The following INTS12 variants were observed in gnomAD, a reference collection of about 807,000 sequenced individuals.
INTS12 encodes integrator complex subunit 12, also known as PHD finger protein 22.
A neutral mutation model predicts 41.6 loss-of-function variants in INTS12; 13 were observed. That is an observed-to-expected ratio of 0.31 (90% CI 0.20 to 0.50). The LOEUF is 0.50. Ranked by LOEUF, INTS12 falls within the 20% of genes least tolerant of loss-of-function variation. The probability of loss-of-function intolerance (pLI) is 0.98; values close to 1 mark genes in which losing one functional copy is unlikely to be tolerated. For synonymous variants in INTS12, 199 were observed against 191.4 expected (o/e 1.04, Z -0.33); for missense variants, 432 against 541.6 (o/e 0.80, Z 2.01).
At chr4:105,700,617 T>G (rs1403373002) in intron 2 of INTS12, among the ~76,000 whole-genome samples, 1 of 151,368 alleles carries the variant, frequency 6.6e-6, no homozygotes, top group South Asian at 2.1e-4. Flanking sequence ...AATGATAACC[T>G]TATTTGATCA....
chr4:105,685,992 A>G (rs934721863), intron 7 of INTS12, among the ~76,000 whole-genome samples: 74 of 152,316 alleles, frequency 4.9e-4, no homozygotes, highest in Non-Finnish European at 1.5e-4. Context: ...TTACAAGGCC[A>G]ATCTGCTCAA....
rs1408340748 is a variant in INTS12, at chr4:105,683,049, A to C, written c.1073T>G (p.Val358Gly). ...IGSNNSTTPTVPLKPPPPLTL... is the reference protein window; with the variant it reads ...IGSNNSTTPTGPLKPPPPLTL... ...TAGAGGTGGAGGTGGTTTTAAAGGT[A>C]CAGTGGGCGTAGTGCTGTTATTGGA... The change falls in exon 8 of 8, where the codon GTA becomes GGA. Residue 358 changes from valine (V) to glycine (G), a missense_variant. By Grantham distance (109) the Val-to-Gly change is moderately radical (BLOSUM62 -3). This residue lies in a region of INTS12 where 258 missense variants were observed against 309.9 expected (regional missense o/e 0.83). Coordinates refer to ENST00000340139, the MANE Select transcript of INTS12 (RefSeq NM_020395.4). The C allele has an allele frequency of 1.5e-5, 24 of 1,614,172 alleles. No individual in the cohort carries two copies. The highest frequency in any genetic ancestry group is 1.9e-5 in the Non-Finnish European group (23 of 1,179,990).
chr4:105,708,630 T>C lies in INTS12; in HGVS notation c.-172+8A>G, dbSNP rs1375505291. The C allele has an allele frequency of 2.0e-6, 2 of 983,340 alleles. No homozygotes were observed. Among genetic ancestry groups the C allele is most frequent in the African/African-American group, 3.5e-5 (2 of 56,804 alleles). The allele number at this position is 983,340 out of a possible 1,614,324, so 60.9% of individuals were successfully genotyped here. Reference sequence around the variant, plus strand: ...AGGCCAGGAGCAGAGTCGCTCAGCATAACTCACCGTTCCGCCCCGCCCTGC... The same window carrying C: ...AGGCCAGGAGCAGAGTCGCTCAGCACAACTCACCGTTCCGCCCCGCCCTGC... On this transcript the variant is annotated splice_region_variant and intron_variant, in intron 1 of 7. Transcript: ENST00000340139.
chr4:105,702,893 C>A, intron 2 of INTS12: 1 of 984,314 alleles, frequency 1.0e-6, no homozygotes, highest in Middle Eastern at 5.2e-4. Context: ...TACCTTTACT[C>A]CCCCTTTTCT....
At position 105,703,043 on chromosome 4, in the gene INTS12, T is replaced by C. The variant is rs1313763101; in HGVS notation, c.-10+605A>G. 5 of 983,862 alleles carry C rather than the reference T, an allele frequency of 5.1e-6. No individual in the cohort carries two copies. In the South Asian group the frequency reaches 1.4e-4, roughly 28 times the overall value. 60.9% of individuals were successfully genotyped at this position (983,862 alleles called of 1,614,324 possible). ...GTTGATCTACACATACAAAAATATT[T>C]TCCTGGAGTTACACCAAATCATGTT... On this transcript the variant is annotated intron_variant, in intron 2 of 7. Transcript: ENST00000340139.
intron 3 of INTS12, 139 bp from the exon 4 acceptor site, chr4:105,695,807 A>C: frequency 1.5e-6 from 1 of 684,374 alleles, no homozygotes; most frequent in Non-Finnish European, 2.5e-6. Flanking sequence ...TTAAATAGTT[A>C]AATAGCTTTA....
rs762623676 is a variant in INTS12, at chr4:105,682,889, T to C, written c.1233A>G (p.Gly411=). ...TTTTGCTGGTAGTACTTCCACTAGG[T>C]CCTGATGTTCCACTATTTCCATTCC... The part of the protein sequence containing the change: ...LSGNGNSGTS[G]PSGSTTSKTT... Residue 411 remains glycine (G), a synonymous_variant, in exon 8 of 8, where the codon GGA becomes GGG. Transcript: ENST00000340139. The C allele has an allele frequency of 1.1e-5, 17 of 1,613,906 alleles. No individual in the cohort carries two copies. The East Asian group carries it at 3.3e-4, about 32-fold the overall frequency.
Position 105,699,814 on chromosome 4 carries a change from C to T in INTS12, c.156+36G>A, listed in dbSNP as rs758824296. The stretch of plus-strand genomic sequence containing the variant: ...TATCAATGTAGTACTACAGGCCTTA[C>T]AAAACTCTCTCCAAGCTTTTTATTC... On this transcript the variant is annotated intron_variant, in intron 3 of 7. Transcript: ENST00000340139. The T allele has an allele frequency of 9.0e-6, 13 of 1,444,536 alleles. No homozygotes were observed. The African/African-American group carries it at 1.5e-4, about 17-fold the overall frequency. The allele number at this position is 1,444,536 out of a possible 1,614,324, so 89.5% of individuals were successfully genotyped here.
chr4:105,701,469 C>T (rs926816727), intron 2 of INTS12, among the ~76,000 whole-genome samples: 1 of 152,046 alleles, frequency 6.6e-6, no homozygotes, highest in African/African-American at 2.4e-5. Flanking sequence ...TTATTATATA[C>T]ATCACCTCTA....
chr4:105,685,347 A>G (rs1731465649), intron 7 of INTS12, among the ~76,000 whole-genome samples: 1 of 152,166 alleles, frequency 6.6e-6, no homozygotes, highest in Admixed American at 6.5e-5. Context: ...CTAAAAATCT[A>G]CTAAAAAGTG....
At chr4:105,689,778 T>A (rs773462382) in intron 6 of INTS12, among the ~76,000 whole-genome samples, 1 of 152,072 alleles carries the variant, frequency 6.6e-6, no homozygotes, top group Non-Finnish European at 1.5e-5. Flanking sequence ...TGGTGGCACA[T>A]GCCTGTAGTC....
chr4:105,683,690 C>A (rs529357180), intron 7 of INTS12, among the ~76,000 whole-genome samples: 1 of 152,130 alleles, frequency 6.6e-6, no homozygotes, highest in East Asian at 1.9e-4. Flanking sequence ...AGACTTTTCT[C>A]CAAATAACTA....
chr4:105,701,637 T>C (rs1001756956), intron 2 of INTS12, among the ~76,000 whole-genome samples: 3 of 151,980 alleles, frequency 2.0e-5, no homozygotes, highest in African/African-American at 7.3e-5. Flanking sequence ...GCCTAATCTC[T>C]TTTTTTTCTT....
chr4:105,693,261 T>C (rs781212211), intron 5 of INTS12, 38 bp downstream of exon 5: 3 of 1,506,064 alleles, frequency 2.0e-6, no homozygotes. Flanking sequence ...GTGTTCTTTA[T>C]AAAGTAACAA....
intron 4 of INTS12, 69 bp from the exon 5 acceptor site, chr4:105,693,555 G>T: frequency 7.7e-7 from 1 of 1,297,142 alleles, no homozygotes; most frequent in South Asian, 1.3e-5. Context: ...ACTGAAAGAC[G>T]AGTGAGAAGG....
rs771738779 is a variant in INTS12 at position 105,693,427 on chromosome 4, TGGTTTCTCCAATCTA to T, written c.354_368del (p.Arg119_Pro123del). ...CAGTAATGGGAGATGACTGTGTTTCTGGTTTCTCCAATCTAGGTTTCTTTGGAATATCAACTCCTT... is the reference window on the plus strand; with the variant it reads ...CAGTAATGGGAGATGACTGTGTTTCTGGTTTCTTTGGAATATCAACTCCTT... On this transcript the variant is annotated inframe_deletion, in exon 5 of 8. Transcript: ENST00000340139. The T allele has an allele frequency of 6.2e-7, 1 of 1,613,874 alleles. No homozygotes were observed. Among genetic ancestry groups the T allele is most frequent in the East Asian group, 2.2e-5 (1 of 44,878 alleles).
chr4:105,708,501 C>G (rs1732385338), intron 1 of INTS12, 137 bp downstream of exon 1: 4 of 985,314 alleles, frequency 4.1e-6, no homozygotes, highest in Non-Finnish European at 4.8e-6. Context: ...CTAGGGCACG[C>G]AACCGCCCGT....
chr4:105,685,239 TAATC>T (rs1731462042), intron 7 of INTS12, among the ~76,000 whole-genome samples: 1 of 152,106 alleles, frequency 6.6e-6, no homozygotes, highest in South Asian at 2.1e-4. Context: ...CAAAACCTCT[TAATC>T]AAAACAAATA....
intron 2 of INTS12, among the ~76,000 whole-genome samples, chr4:105,702,488 A>T (rs912051957): frequency 6.6e-6 from 1 of 152,154 alleles, no homozygotes; most frequent in Non-Finnish European, 1.5e-5. Context: ...ATACAGAGTG[A>T]TAATAGTGTG....
Sources: allele counts gnomAD v4.1 joint callset (sites outside exome capture counted in the v4.1 genomes callset), GRCh38; gene constraint gnomAD v4.1.1; regional missense constraint gnomAD v4.1.1; transcripts MANE v1.5; gene names NCBI Gene and HGNC (gene_info 2026-07-23, HGNC 2026-07-21).